The following TIMD4 variants were observed in gnomAD, a reference collection of about 807,000 sequenced individuals.
TIMD4 encodes T cell immunoglobulin and mucin domain containing 4.
TIMD4 carries 31 observed loss-of-function variants against 41.2 expected under a neutral mutation model. That is an observed-to-expected ratio of 0.75 (90% CI 0.57 to 1.01). TIMD4 has a LOEUF of 1.01. TIMD4 is among the 50% of genes least tolerant of loss of function. The pLI, the probability that TIMD4 is intolerant of heterozygous loss-of-function variation, is 0.00. For synonymous variants in TIMD4, 204 were observed against 177.1 expected (o/e 1.15, Z -1.21); for missense variants, 479 against 472.5 (o/e 1.01, Z -0.13).
chr5:156,939,264 C>T (rs1430438295), intron 5 of TIMD4, among the ~76,000 whole-genome samples: 3 of 152,084 alleles, frequency 2.0e-5, no homozygotes, highest in Non-Finnish European at 4.4e-5. Flanking sequence ...TATCGTGGAC[C>T]TTATAATAGA....
Position 156,925,706 on chromosome 5 carries a change from T to A in TIMD4, c.894+557A>T, listed in dbSNP as rs896643069. On this transcript the variant is annotated intron_variant, in intron 6 of 8. Transcript: ENST00000274532. Reference sequence around the variant, plus strand: ...CGGAACACACAATGATCTTGCATGTTTTTTATATTTTTTTCTTTTTGCTTT... The same window carrying A: ...CGGAACACACAATGATCTTGCATGTATTTTATATTTTTTTCTTTTTGCTTT... 2.0e-5 allele frequency among the ~76,000 whole-genome samples: 3 copies of A among 152,324 alleles called. No individual in the cohort carries two copies. In the East Asian group the frequency reaches 5.8e-4, roughly 29 times the overall value.
chr5:156,945,947 C>G (rs1759731149), intron 5 of TIMD4, among the ~76,000 whole-genome samples: 1 of 152,174 alleles, frequency 6.6e-6, no homozygotes, highest in East Asian at 1.9e-4. Flanking sequence ...GCAATAAACC[C>G]TGCTTTTCAT....
intron 5 of TIMD4, among the ~76,000 whole-genome samples, chr5:156,945,208 A>T (rs543921027): frequency 2.6e-5 from 4 of 152,210 alleles, no homozygotes; most frequent in Non-Finnish European, 5.9e-5. Flanking sequence ...TGTTAGAGTG[A>T]TCTGGAGTTG....
intron 5 of TIMD4, among the ~76,000 whole-genome samples, chr5:156,939,863 C>T (rs1759607349): frequency 6.6e-6 from 1 of 152,210 alleles, no homozygotes; most frequent in South Asian, 2.1e-4. Context: ...AGCCTTACTC[C>T]CATCTAATAC....
chr5:156,958,399 A>C (rs1434784666), intron 1 of TIMD4, among the ~76,000 whole-genome samples: 4 of 150,346 alleles, frequency 2.7e-5, no homozygotes, highest in Non-Finnish European at 6.0e-5. Flanking sequence ...GATCCAATAG[A>C]GAAACTAGCA....
In TIMD4 at chr5:156,951,391, G is replaced by A. The variant is rs544856726; in HGVS notation, c.679+121C>T. 1.7e-4 allele frequency: 215 copies of A among 1,261,820 alleles called. 1 individual carries two copies. Among genetic ancestry groups the A allele is most frequent in the Admixed American group, 1.0e-3 (43 of 41,070 alleles). 78.2% of individuals were successfully genotyped at this position (1,261,820 alleles called of 1,614,324 possible). A position where few individuals can be genotyped will look rare whatever the true frequency, so the allele number is the denominator to read the frequency against. Reference sequence around the variant, plus strand: ...CGGTGTTTGTTTGATAGGCCTAGCAGACTAATATACGCATGTGTACACGCA... The same window carrying A: ...CGGTGTTTGTTTGATAGGCCTAGCAAACTAATATACGCATGTGTACACGCA... On this transcript the variant is annotated intron_variant, in intron 3 of 8. Coordinates refer to ENST00000274532, the MANE Select transcript of TIMD4 (RefSeq NM_138379.3).
intron 1 of TIMD4, among the ~76,000 whole-genome samples, chr5:156,962,834 C>T (rs1416890000): frequency 6.6e-6 from 1 of 152,170 alleles, no homozygotes; most frequent in African/African-American, 2.4e-5. Flanking sequence ...TGAATAACAC[C>T]CATAGAGGAA....
intron 6 of TIMD4, among the ~76,000 whole-genome samples, chr5:156,925,024 A>G (rs1436813122): frequency 6.6e-6 from 1 of 152,168 alleles, no homozygotes; most frequent in Non-Finnish European, 1.5e-5. Context: ...GAGAGAGAAT[A>G]TAGGCCAGGC....
intron 1 of TIMD4, among the ~76,000 whole-genome samples, chr5:156,959,319 TATC>T (rs2113398894): frequency 6.6e-6 from 1 of 152,264 alleles, no homozygotes; most frequent in Non-Finnish European, 1.5e-5. Context: ...CTGACCTCAT[TATC>T]ATCACAAGGC....
chr5:156,945,148 T>C (rs1759717221), intron 5 of TIMD4, among the ~76,000 whole-genome samples: 1 of 152,196 alleles, frequency 6.6e-6, no homozygotes, highest in Non-Finnish European at 1.5e-5. Context: ...TGTAGTCTTA[T>C]TCTGTAAGAG....
intron 2 of TIMD4, among the ~76,000 whole-genome samples, chr5:156,953,667 AAAAAAAAAGAG>A (rs1387743147): frequency 6.7e-6 from 1 of 150,332 alleles, no homozygotes; most frequent in African/African-American, 2.5e-5. Flanking sequence ...AAAAAAAAAA[AAAAAAAAAGAG>A]AGAGAGAGAG....
At chr5:156,959,936 G>T (rs562136824) in intron 1 of TIMD4, among the ~76,000 whole-genome samples, 2 of 152,004 alleles carry the variant, frequency 1.3e-5, no homozygotes, top group Non-Finnish European at 2.9e-5. Flanking sequence ...TCAGCTACTT[G>T]GGAGGCTGGG....
intron 6 of TIMD4, among the ~76,000 whole-genome samples, chr5:156,922,950 AGTTT>A (rs1759276091): frequency 6.6e-6 from 1 of 152,178 alleles, no homozygotes; most frequent in Non-Finnish European, 1.5e-5. Flanking sequence ...GCACAAAGTG[AGTTT>A]GTTGTTATTT....
At chr5:156,922,865 A>AT (rs1398439399) in intron 6 of TIMD4, among the ~76,000 whole-genome samples, 2 of 152,116 alleles carry the variant, frequency 1.3e-5, no homozygotes, top group Non-Finnish European at 2.9e-5. Context: ...TTTCTCAGTA[A>AT]TTTTTTCATT....
At chr5:156,923,303 C>T (rs1305859587) in intron 6 of TIMD4, among the ~76,000 whole-genome samples, 1 of 151,774 alleles carries the variant, frequency 6.6e-6, no homozygotes, top group Non-Finnish European at 1.5e-5. Context: ...CATGCATATC[C>T]AAGCCCGGCT....
At chr5:156,958,305 GAAGGAAAGGAAAGGAAAGGAAAGGA>G (rs66575156) in intron 1 of TIMD4, among the ~76,000 whole-genome samples, 12,146 of 83,322 alleles carry the variant, frequency 0.15, 1,152 homozygotes, top group African/African-American at 0.18. Flanking sequence ...AAGAAAGAAA[GAAGGAAAGGAAAGGAAAGGAAAGGA>G]AAGGAAAGGA....
At chr5:156,920,595 G>A (rs2113334813) in intron 7 of TIMD4, 92 bp from the exon 8 acceptor site, 1 of 1,321,126 alleles carries the variant, frequency 7.6e-7, no homozygotes, top group South Asian at 1.2e-5. Context: ...CCCGCAAAGA[G>A]CAGATATGGG....
At chr5:156,953,139 A>T (rs1759895060) in intron 2 of TIMD4, among the ~76,000 whole-genome samples, 1 of 152,234 alleles carries the variant, frequency 6.6e-6, no homozygotes, top group Non-Finnish European at 1.5e-5. Flanking sequence ...CAAGTATTTT[A>T]TAAAATAATA....
intron 3 of TIMD4, among the ~76,000 whole-genome samples, chr5:156,950,277 G>T (rs1368963043): frequency 6.6e-6 from 1 of 152,138 alleles, no homozygotes; most frequent in Non-Finnish European, 1.5e-5. Flanking sequence ...TATTTTTATG[G>T]CTGTCTTTGT....
Sources: gnomAD v4.1 joint callset for allele counts (sites outside exome capture counted in the v4.1 genomes callset) on GRCh38, gnomAD v4.1.1 for gene constraint, MANE v1.5 for transcripts, NCBI Gene and HGNC (gene_info 2026-07-23, HGNC 2026-07-21) for gene names.